Variants in OR51B5 observed in about 807,000 individuals in gnomAD.
The protein encoded by OR51B5 is olfactory receptor 51B5.
For missense variants in OR51B5, 456 were observed against 374.6 expected (o/e 1.22, Z -1.79); for synonymous variants, 186 against 144.8 (o/e 1.28, Z -2.04).
At chr11:5,417,037 G>C (rs1850254930) in intron 1 of OR51B5, among the ~76,000 whole-genome samples, 1 of 148,726 alleles carries the variant, frequency 6.7e-6, no homozygotes, top group South Asian at 2.2e-4. Context: ...ATACTACAAG[G>C]CTACAGTAAA....
At chr11:5,377,169 T>C (rs1014990269) in intron 1 of OR51B5, among the ~76,000 whole-genome samples, 2 of 152,076 alleles carry the variant, frequency 1.3e-5, no homozygotes, top group African/African-American at 4.8e-5. Flanking sequence ...TGCAAATCAA[T>C]AAATGTAATC....
At chr11:5,405,797 A>T (rs1850049770) in intron 1 of OR51B5, among the ~76,000 whole-genome samples, 1 of 152,182 alleles carries the variant, frequency 6.6e-6, no homozygotes. Flanking sequence ...GTTTCCATGT[A>T]TCCTGTTTCT....
At chr11:5,443,854 A>G (rs1850727528) in intron 1 of OR51B5, among the ~76,000 whole-genome samples, 1 of 151,442 alleles carries the variant, frequency 6.6e-6, no homozygotes, top group Non-Finnish European at 1.5e-5. Context: ...AATGCACAGA[A>G]TATCATGAGC....
At chr11:5,389,402 T>TTC in intron 1 of OR51B5, 1 of 1,610,774 alleles carries the variant, frequency 6.2e-7, no homozygotes, top group Non-Finnish European at 8.5e-7. Context: ...CCGAGGAATG[T>TTC]CAGTCCAATA....
chr11:5,491,484 A>G (rs1464839616), intron 1 of OR51B5, among the ~76,000 whole-genome samples: 1 of 152,162 alleles, frequency 6.6e-6, no homozygotes, highest in Non-Finnish European at 1.5e-5. Context: ...GGGGTGGAAC[A>G]GATTGGAAGA....
rs1849094536 is a variant in OR51B5, at chr11:5,351,856, G to A, written n.85-4946C>T. 3 of 1,613,724 alleles carry A rather than the reference G, an allele frequency of 1.9e-6. No individual in the cohort carries two copies. The highest frequency in any genetic ancestry group is 2.5e-6 in the Non-Finnish European group (3 of 1,179,734). On this transcript the variant is annotated intron_variant and non_coding_transcript_variant, in intron 1 of 4. Transcript: ENST00000415970. Reference sequence around the variant, plus strand: ...GGAGTCAGGTGTCTTGCTTGCCATGGCTTATGACTGTTTCATTACCATCCG... The same window carrying A: ...GGAGTCAGGTGTCTTGCTTGCCATGACTTATGACTGTTTCATTACCATCCG...
At chr11:5,346,617 T>C (rs1460059975), upstream of OR51B5, among the ~76,000 whole-genome samples, 1 of 147,964 alleles carries the variant, frequency 6.8e-6, no homozygotes, top group Non-Finnish European at 1.5e-5. Flanking sequence ...TTCACATCAC[T>C]GAGTACAGAA....
exon 1 of OR51B5, chr11:5,343,032 G>T: frequency 6.2e-7 from 1 of 1,613,320 alleles, no homozygotes; most frequent in Non-Finnish European, 8.5e-7. Context: ...TGACAATACA[G>T]AAAAAAATAG....
intron 1 of OR51B5, among the ~76,000 whole-genome samples, chr11:5,416,373 A>G (rs1230157106): frequency 4.6e-5 from 7 of 152,120 alleles, no homozygotes; most frequent in Middle Eastern, 6.8e-3. Context: ...GCACAAGACA[A>G]GGATGCCCTC....
At chr11:5,418,563 T>C (rs1354225119) in intron 1 of OR51B5, among the ~76,000 whole-genome samples, 1 of 151,838 alleles carries the variant, frequency 6.6e-6, no homozygotes, top group African/African-American at 2.4e-5. Context: ...AAAGGATGAG[T>C]TCATGTCTCT....
intron 1 of OR51B5, among the ~76,000 whole-genome samples, chr11:5,491,535 A>G (rs1851580893): frequency 6.6e-6 from 1 of 152,184 alleles, no homozygotes; most frequent in South Asian, 2.1e-4. Context: ...GAGACAGCAA[A>G]GAGGATTACT....
chr11:5,382,748 T>C (rs1849628657), intron 1 of OR51B5, among the ~76,000 whole-genome samples: 1 of 152,128 alleles, frequency 6.6e-6, no homozygotes, highest in Admixed American at 6.5e-5. Flanking sequence ...TCACCCTGAC[T>C]CTCCTACACT....
At chr11:5,454,504 G>T in intron 1 of OR51B5, 1 of 1,185,960 alleles carries the variant, frequency 8.4e-7, no homozygotes, top group Non-Finnish European at 1.2e-6. Context: ...CATCATCAAA[G>T]TATAAGATAG....
intron 1 of OR51B5, among the ~76,000 whole-genome samples, chr11:5,441,817 C>T (rs964357492): frequency 6.6e-6 from 1 of 152,026 alleles, no homozygotes; most frequent in Non-Finnish European, 1.5e-5. Context: ...TTCTGGTAGA[C>T]CAGAAAGAGG....
chr11:5,342,707 A>G (rs149987261), exon 1 of OR51B5: 34 of 1,613,718 alleles, frequency 2.1e-5, no homozygotes, highest in African/African-American at 1.6e-4. Flanking sequence ...ATAGCTCATA[A>G]TGAGGTGAAC....
At chr11:5,396,569 G>C (rs1228397910) in intron 1 of OR51B5, among the ~76,000 whole-genome samples, 1 of 150,968 alleles carries the variant, frequency 6.6e-6, no homozygotes, top group African/African-American at 2.4e-5. Flanking sequence ...CAAACAAATG[G>C]AAGAACATTC....
At chr11:5,442,384 C>G (rs1041113589) in intron 1 of OR51B5, among the ~76,000 whole-genome samples, 5 of 152,110 alleles carry the variant, frequency 3.3e-5, no homozygotes, top group African/African-American at 9.7e-5. Context: ...GATTTCTCTC[C>G]TTCTCCAAGG....
chr11:5,444,396 G>A (rs1057000081), intron 1 of OR51B5, among the ~76,000 whole-genome samples: 1 of 152,142 alleles, frequency 6.6e-6, no homozygotes, highest in Non-Finnish European at 1.5e-5. Context: ...TTAACTCAGT[G>A]ATATGTGGTT....
chr11:5,417,233 G>T (rs11037379), intron 1 of OR51B5, among the ~76,000 whole-genome samples: 3 of 147,574 alleles, frequency 2.0e-5, no homozygotes, highest in Non-Finnish European at 3.0e-5. Context: ...TATGTAGAAA[G>T]CTGAAACTGG....
Sources: allele counts gnomAD v4.1 joint callset (sites outside exome capture counted in the v4.1 genomes callset), GRCh38; gene constraint gnomAD v4.1.1; transcripts MANE v1.5; gene names NCBI Gene and HGNC (gene_info 2026-07-23, HGNC 2026-07-21).